TMC3: variants seen among roughly 807,000 people sequenced by gnomAD.
The protein encoded by TMC3 is transmembrane channel like 3.
In TMC3, 98 loss-of-function variants were observed where a neutral mutation model predicts 110.6. The ratio of observed to expected loss-of-function variants is 0.89; its 90% CI spans 0.75 to 1.05. TMC3 has a LOEUF of 1.05. Among genes scored for constraint, TMC3 ranks in the 50% least tolerant of loss-of-function variants. The pLI, the probability that TMC3 is intolerant of heterozygous loss-of-function variation, is 0.00. For missense variants in TMC3, 1,319 were observed against 1,373.2 expected, an observed-to-expected ratio of 0.96 and a Z score of 0.62; for synonymous variants, 489 against 513.1, an observed-to-expected ratio of 0.95 and a Z score of 0.63.
chr15:81,347,304 T>A (rs1893847578), intron 11 of TMC3, among the ~76,000 whole-genome samples: 1 of 152,206 alleles, frequency 6.6e-6, no homozygotes, highest in Non-Finnish European at 1.5e-5. Flanking sequence ...AGCATCTTTA[T>A]CTTGAGGAAA....
chr15:81,368,290 A>G lies in TMC3; in HGVS notation c.275T>C (p.Leu92Pro). Reference protein sequence around the residue: ...KNIVLKFEGRLTRTRGYQAAG... With the variant: ...KNIVLKFEGRPTRTRGYQAAG... ...TGCTTGGTAGCCTCGGGTCCTGGTC[A>G]GCCTCCCTTCAAACTTCAGCACAAT... The change falls in exon 3 of 22, where the codon CTG becomes CCG. Residue 92 changes from leucine to proline, a missense_variant. Coordinates refer to ENST00000359440, the MANE Select transcript of TMC3 (RefSeq NM_001080532.3). 7 of 1,613,770 alleles carry G rather than the reference A, an allele frequency of 4.3e-6. No homozygotes were observed. Among genetic ancestry groups the G allele is most frequent in the Non-Finnish European group, 5.9e-6 (7 of 1,179,762 alleles).
chr15:81,331,768 T>C lies in TMC3; in HGVS notation c.*651A>G, dbSNP rs1293245719. On this transcript the variant is annotated 3_prime_UTR_variant, in exon 22 of 22. Coordinates refer to ENST00000359440, the MANE Select transcript of TMC3 (RefSeq NM_001080532.3). Reference sequence around the variant, plus strand: ...CAAACATGCGCACTAAGAGACAAAATGGAGCATTCCCCTGGTAAGGGAAGA... The same window carrying C: ...CAAACATGCGCACTAAGAGACAAAACGGAGCATTCCCCTGGTAAGGGAAGA... 6.6e-6 allele frequency: 1 copy of C among 151,964 alleles called. No homozygotes were observed. Among genetic ancestry groups the C allele is most frequent in the Non-Finnish European group, 1.5e-5 (1 of 68,032 alleles). The allele number at this position is 151,964 out of a possible 1,614,324, so 9.4% of individuals were successfully genotyped here. A position where few individuals can be genotyped will look rare whatever the true frequency, so the allele number is the denominator to read the frequency against.
Position 81,373,119 on chromosome 15 carries a change from C to G in TMC3, c.90-382G>C, listed in dbSNP as rs1036765098. ...TAGGCAAAATAATTTCTTTTTCAGG[C>G]TCATTGAAATAATCAGCTAATTTTA... On this transcript the variant is annotated intron_variant, in intron 1 of 21. Transcript: ENST00000359440. Among the ~76,000 whole-genome samples, 3 of 152,008 alleles carry G rather than the reference C, an allele frequency of 2.0e-5. No individual in the cohort carries two copies. The South Asian group carries it at 6.2e-4, about 32-fold the overall frequency.
intron 2 of TMC3, among the ~76,000 whole-genome samples, chr15:81,368,596 C>T (rs1174923933): frequency 6.6e-6 from 1 of 152,170 alleles, no homozygotes; most frequent in African/African-American, 2.4e-5. Context: ...AACTGAATTT[C>T]TTAAAGGCCT....
At position 81,336,617 on chromosome 15, in the gene TMC3, A is replaced by G. The variant is rs1893602260; in HGVS notation, c.2195T>C (p.Met732Thr). 1 of 1,613,766 alleles carries G rather than the reference A, an allele frequency of 6.2e-7. No homozygotes were observed. Among genetic ancestry groups the G allele is most frequent in the Non-Finnish European group, 8.5e-7 (1 of 1,179,868 alleles). The part of the protein sequence containing the change: ...RSEDKKKVAQ[M>T]VEARIQTQEE... ...GAAACGGAAATACTTACCTTCTACCATCTGGGCAACCTTTTTCTTATCCTC... is the reference window on the plus strand; with the variant it reads ...GAAACGGAAATACTTACCTTCTACCGTCTGGGCAACCTTTTTCTTATCCTC... The change falls in exon 20 of 22, where the codon ATG becomes ACG. Residue 732 changes from methionine to threonine, a missense_variant. Coordinates refer to ENST00000359440, the MANE Select transcript of TMC3 (RefSeq NM_001080532.3).
chr15:81,362,041 G>A (rs901355884), intron 4 of TMC3, 179 bp downstream of exon 4: 10 of 529,430 alleles, frequency 1.9e-5, no homozygotes, highest in African/African-American at 3.9e-5. Flanking sequence ...ATTCTGGTAG[G>A]TGGTGGGGGC....
chr15:81,346,306 G>A (rs1893827030), intron 12 of TMC3, 59 bp downstream of exon 12: 2 of 1,442,466 alleles, frequency 1.4e-6, no homozygotes, highest in Non-Finnish European at 1.9e-6. Flanking sequence ...CCTGGTGTTG[G>A]GAGGAGGTAG....
intron 11 of TMC3, among the ~76,000 whole-genome samples, chr15:81,347,790 A>G (rs529593493): frequency 1.3e-5 from 2 of 152,358 alleles, no homozygotes; most frequent in East Asian, 3.9e-4. Context: ...ACCAAATGCA[A>G]TAATGGAATT....
chr15:81,356,502 A>G lies in TMC3; in HGVS notation c.836T>C (p.Ile279Thr), dbSNP rs773949177. Residue 279 changes from isoleucine to threonine, a missense_variant, in exon 8 of 22, where the codon ATT becomes ACT. Ile to Thr is a moderately conservative substitution (Grantham distance 89). Coordinates refer to ENST00000359440, the MANE Select transcript of TMC3 (RefSeq NM_001080532.3). The part of the protein sequence containing the change: ...WRVFCAWDYL[I>T]GNPEAAESKT... The stretch of plus-strand genomic sequence containing the variant: ...GCTCTCTGCAGCCTCTGGGTTTCCA[A>G]TGAGGTAATCCCAGGCACAGAACAC... 5.1e-6 allele frequency: 8 copies of G among 1,570,710 alleles called. No individual in the cohort carries two copies. In the South Asian group the frequency reaches 5.9e-5, roughly 12 times the overall value.
At chr15:81,358,814 T>C (rs1195512778) in intron 5 of TMC3, among the ~76,000 whole-genome samples, 1 of 152,168 alleles carries the variant, frequency 6.6e-6, no homozygotes, top group Admixed American at 6.5e-5. Flanking sequence ...GGATTTTATT[T>C]CTTTATGTAA....
At chr15:81,364,176 A>G (rs1264308949) in intron 3 of TMC3, among the ~76,000 whole-genome samples, 1 of 152,016 alleles carries the variant, frequency 6.6e-6, no homozygotes, top group Non-Finnish European at 1.5e-5. Flanking sequence ...CTCCCCCACC[A>G]CCCCATCAGT....
chr15:81,341,180 AGT>A (rs776761362), intron 16 of TMC3, among the ~76,000 whole-genome samples: 20 of 152,204 alleles, frequency 1.3e-4, no homozygotes, highest in Non-Finnish European at 2.2e-4. Flanking sequence ...ACGTTTTAAA[AGT>A]GTCATGAGTT....
At chr15:81,366,257 G>A (rs1300310154) in intron 3 of TMC3, among the ~76,000 whole-genome samples, 1 of 152,210 alleles carries the variant, frequency 6.6e-6, no homozygotes, top group Non-Finnish European at 1.5e-5. Context: ...ACAAGGTCAG[G>A]GAAGGTCTAG....
At chr15:81,367,934 TTTTG>T (rs774458308) in intron 3 of TMC3, among the ~76,000 whole-genome samples, 84 of 152,058 alleles carry the variant, frequency 5.5e-4, no homozygotes, top group Admixed American at 5.9e-4. Context: ...GTTGTTGTTG[TTTTG>T]TTTGTTTGTT....
chr15:81,336,606 T>C lies in TMC3; in HGVS notation c.2203+3A>G, dbSNP rs377283480. ...AACAACAAAAAGAAACGGAAATACT[T>C]ACCTTCTACCATCTGGGCAACCTTT... On this transcript the variant is annotated splice_donor_region_variant and intron_variant, in intron 20 of 21. Transcript: ENST00000359440. The C allele has an allele frequency of 1.5e-5, 25 of 1,613,580 alleles. No homozygotes were observed. In the African/African-American group the frequency reaches 3.3e-4, roughly 22 times the overall value.
intron 9 of TMC3, 57 bp from the exon 10 acceptor site, chr15:81,351,898 A>T: frequency 5.7e-6 from 9 of 1,579,822 alleles, no homozygotes; most frequent in Non-Finnish European, 7.8e-6. Flanking sequence ...CAGCACCACG[A>T]TGCAAAGACA....
chr15:81,372,870 CGTGTGT>C (rs58420711), intron 1 of TMC3, 133 bp from the exon 2 acceptor site: 143 of 555,448 alleles, frequency 2.6e-4, no homozygotes, highest in Middle Eastern at 1.4e-3. Flanking sequence ...TGTGTTTGTG[CGTGTGT>C]GTGTGTGTGT....
At chr15:81,357,766 G>C (rs1297287859) in intron 7 of TMC3, among the ~76,000 whole-genome samples, 3 of 152,192 alleles carry the variant, frequency 2.0e-5, no homozygotes, top group African/African-American at 7.2e-5. Context: ...TGGTCACCTA[G>C]ATCATATTGC....
chr15:81,365,111 A>G (rs1404391343), intron 3 of TMC3, among the ~76,000 whole-genome samples: 1 of 152,186 alleles, frequency 6.6e-6, no homozygotes, highest in Non-Finnish European at 1.5e-5. Context: ...AAACGTTTCC[A>G]TAATACTTTA....
Sources: gnomAD v4.1 joint callset for allele counts (sites outside exome capture counted in the v4.1 genomes callset) on GRCh38, gnomAD v4.1.1 for gene constraint, MANE v1.5 for transcripts, NCBI Gene and HGNC (gene_info 2026-07-23, HGNC 2026-07-21) for gene names.